BCAR3: variants seen among roughly 807,000 people sequenced by gnomAD.
BCAR3 encodes the protein BCAR3 adaptor protein, NSP family member.
In BCAR3, 37 loss-of-function variants were observed where a neutral mutation model predicts 80.1. The ratio of observed to expected loss-of-function variants is 0.46; its 90% CI spans 0.36 to 0.61. The LOEUF (loss-of-function observed/expected upper bound fraction) is 0.61, where lower values mean the gene tolerates loss of function less well. Among genes scored for constraint, BCAR3 ranks in the 20% least tolerant of loss-of-function variants. BCAR3 has a pLI of 0.00. For synonymous variants in BCAR3, 389 were observed against 418.9 expected (o/e 0.93, Z 0.87); for missense variants, 978 against 1,068.2 (o/e 0.92, Z 1.18).
At chr1:93,567,619 A>G in intron 10 of BCAR3, 121 bp downstream of exon 10, 2 of 1,392,702 alleles carry the variant, frequency 1.4e-6, no homozygotes, top group Non-Finnish European at 2.0e-6. Flanking sequence ...GTCATCTGAT[A>G]AAAGCCCTGA....
chr1:93,751,939 T>A (rs1651570678), intron 2 of BCAR3, among the ~76,000 whole-genome samples: 1 of 152,240 alleles, frequency 6.6e-6, no homozygotes, highest in Non-Finnish European at 1.5e-5. Context: ...ATGACCCAGA[T>A]AGACGCATGT....
intron 3 of BCAR3, among the ~76,000 whole-genome samples, chr1:93,687,420 G>A (rs777196234): frequency 4.6e-5 from 7 of 152,044 alleles, no homozygotes; most frequent in Non-Finnish European, 8.8e-5. Flanking sequence ...CGATTCTCCC[G>A]CCTTAGCCTC....
Position 93,605,068 on chromosome 1 carries a change from C to T in BCAR3, c.358-12675G>A, listed in dbSNP as rs557161789. Among the ~76,000 whole-genome samples, 4 of 152,184 alleles carry T rather than the reference C, an allele frequency of 2.6e-5. No homozygotes were observed. The South Asian group carries it at 6.2e-4, about 24-fold the overall frequency. On this transcript the variant is annotated intron_variant, in intron 3 of 11. Transcript: ENST00000260502. ...AGATTTCCAACAGGCCATTTGTTAACATCTTGCCACGCTGAAAGCCCTGGC... is the reference window on the plus strand; with the variant it reads ...AGATTTCCAACAGGCCATTTGTTAATATCTTGCCACGCTGAAAGCCCTGGC...
rs767751704 is a variant in BCAR3 at position 93,582,815 on chromosome 1, G to A, written c.1172C>T (p.Ala391Val). 33 of 1,613,804 alleles carry A rather than the reference G, an allele frequency of 2.0e-5. No homozygotes were observed. Among genetic ancestry groups the A allele is most frequent in the East Asian group, 2.0e-4 (9 of 44,884 alleles). Residue 391 changes from alanine to valine, a missense_variant, in exon 7 of 12, where the codon GCG (alanine) becomes GTG (valine). Transcript: ENST00000260502. ...CAGTTGACTGTCTGATCCCCTCAGC[G>A]CCTCCCCAGCCCTGGCGTCTGAGGA... ...RVSSDARAGE[A>V]LRGSDSQLCP...
intron 3 of BCAR3, among the ~76,000 whole-genome samples, chr1:93,626,109 T>C (rs1675449010): frequency 6.6e-6 from 1 of 152,218 alleles, no homozygotes; most frequent in Admixed American, 6.5e-5. Flanking sequence ...TATCATGACT[T>C]GGTTATGTTA....
chr1:93,839,538 C>T (rs1401780413), intron 2 of BCAR3, among the ~76,000 whole-genome samples: 1 of 152,100 alleles, frequency 6.6e-6, no homozygotes. Flanking sequence ...TAACTGAGGT[C>T]GTGGGCCTGA....
intron 2 of BCAR3, among the ~76,000 whole-genome samples, chr1:93,769,417 G>A (rs918198353): frequency 6.7e-6 from 1 of 149,912 alleles, no homozygotes; most frequent in Admixed American, 6.7e-5. Flanking sequence ...GTCAAGGAGC[G>A]GGGTGGAGAA....
At chr1:93,645,171 G>A (rs1261142218) in intron 2 of BCAR3, among the ~76,000 whole-genome samples, 2 of 152,046 alleles carry the variant, frequency 1.3e-5, no homozygotes, top group African/African-American at 4.8e-5. Flanking sequence ...CAACCCTGCA[G>A]GGAAATCCTC....
chr1:93,617,015 G>T (rs1675148027), intron 3 of BCAR3, among the ~76,000 whole-genome samples: 1 of 152,212 alleles, frequency 6.6e-6, no homozygotes, highest in Non-Finnish European at 1.5e-5. Flanking sequence ...TCAAAAAGGG[G>T]GTTAAGGCAG....
chr1:93,749,460 G>A lies in BCAR3; in HGVS notation c.-62-43318C>T, dbSNP rs537417981. Among the ~76,000 whole-genome samples, 7 of 151,868 alleles carry A rather than the reference G, an allele frequency of 4.6e-5. No individual in the cohort carries two copies. In the South Asian group the frequency reaches 1.0e-3, roughly 23 times the overall value. ...AAAAATTAGCCAGGCATGGTGACAGGAGCCTGTAGTCCCAGCTACTCGGGA... is the reference window on the plus strand; with the variant it reads ...AAAAATTAGCCAGGCATGGTGACAGAAGCCTGTAGTCCCAGCTACTCGGGA... On this transcript the variant is annotated intron_variant, in intron 2 of 13. Transcript: ENST00000370244.
chr1:93,787,945 A>C (rs1003446647), intron 2 of BCAR3, among the ~76,000 whole-genome samples: 1 of 151,390 alleles, frequency 6.6e-6, no homozygotes, highest in African/African-American at 2.4e-5. Flanking sequence ...GTTGCCATCT[A>C]TCTCATTTCT....
At chr1:93,576,351 G>A (rs920701032) in intron 7 of BCAR3, among the ~76,000 whole-genome samples, 7 of 152,174 alleles carry the variant, frequency 4.6e-5, no homozygotes, top group African/African-American at 1.4e-4. Flanking sequence ...AAAGACTGGT[G>A]GGAGATGCTG....
Position 93,571,799 on chromosome 1 carries a change from T to TC in BCAR3, c.1844dup (p.Cys616MetfsTer14). On this transcript the variant is annotated frameshift_variant, in exon 9 of 12. Coordinates refer to ENST00000260502, the MANE Select transcript of BCAR3 (RefSeq NM_003567.4). LOFTEE classifies it high-confidence loss of function. The stretch of plus-strand genomic sequence containing the variant: ...CTCGGTCCTCCAAAGTGCCCGTGCA[T>TC]CCCAGAATGTCCACTGCAATGCCGA... The TC allele has an allele frequency of 6.2e-7, 1 of 1,613,996 alleles. No individual in the cohort carries two copies. Among genetic ancestry groups the TC allele is most frequent in the Non-Finnish European group, 8.5e-7 (1 of 1,179,884 alleles).
chr1:93,829,820 C>G (rs189692170), intron 2 of BCAR3, among the ~76,000 whole-genome samples: 1 of 152,222 alleles, frequency 6.6e-6, no homozygotes, highest in East Asian at 1.9e-4. Flanking sequence ...GATCTGTGTC[C>G]CCACCCAAAT....
chr1:93,674,735 C>A lies in BCAR3; in HGVS notation c.196G>T (p.Asp66Tyr). ...GGGAGGGTGCCCATGTGACTGAAGT[C>A]ATCACAGGACCTTATGGGAGGAGGA... The part of the protein sequence containing the change: ...KGPPPIRSCD[D>Y]FSHMGTLPHS... The change falls in exon 2 of 12, where the codon GAC (aspartate) becomes TAC (tyrosine). Residue 66 changes from aspartate to tyrosine, a missense_variant. By Grantham distance (160) the Asp-to-Tyr change is radical (BLOSUM62 -3). Transcript: ENST00000260502. The A allele has an allele frequency of 6.2e-7, 1 of 1,613,786 alleles. No individual in the cohort carries two copies.
At chr1:93,614,148 G>A (rs957967775) in intron 3 of BCAR3, 21 of 1,334,188 alleles carry the variant, frequency 1.6e-5, no homozygotes, top group South Asian at 4.2e-5. Context: ...CTCAATTCTC[G>A]CAGGCTGGTG....
chr1:93,813,710 T>C lies in BCAR3; in HGVS notation c.-63+31857A>G, dbSNP rs184091518. Among the ~76,000 whole-genome samples the C allele has an allele frequency of 1.9e-3, 287 of 152,370 alleles. 3 individuals carry two copies. The highest frequency in any genetic ancestry group is 1.0e-3 in the Non-Finnish European group (70 of 68,042). On this transcript the variant is annotated intron_variant, in intron 2 of 13. Transcript: ENST00000370244. ...GACATTCTGTTATGTAAACATATTATGATTGCAACTTTAGGAAACTTAACA... is the reference window on the plus strand; with the variant it reads ...GACATTCTGTTATGTAAACATATTACGATTGCAACTTTAGGAAACTTAACA...
intron 2 of BCAR3, among the ~76,000 whole-genome samples, chr1:93,643,478 G>A (rs1162324589): frequency 9.6e-5 from 14 of 145,926 alleles, no homozygotes; most frequent in African/African-American, 2.6e-4. Flanking sequence ...CCCAGGAGGC[G>A]GAGGTTGCAA....
chr1:93,809,938 C>G (rs1201189698), intron 2 of BCAR3, among the ~76,000 whole-genome samples: 2 of 151,762 alleles, frequency 1.3e-5, no homozygotes, highest in African/African-American at 4.8e-5. Context: ...CGGTGGCTCA[C>G]GCCTGTAATC....
Sources: allele counts gnomAD v4.1 joint callset (sites outside exome capture counted in the v4.1 genomes callset), GRCh38; gene constraint gnomAD v4.1.1; transcripts MANE v1.5; gene names NCBI Gene and HGNC (gene_info 2026-07-23, HGNC 2026-07-21).